Variants in FLII observed in about 807,000 individuals in gnomAD.
FLII encodes the protein FLII actin remodeling protein, also known as protein flightless-1 homolog.
FLII carries 101 observed loss-of-function variants against 156.2 expected under a neutral mutation model. The observed-to-expected ratio is 0.65, with a 90% CI of 0.55 to 0.76. The LOEUF is 0.76. FLII is among the 30% of genes least tolerant of loss of function. The pLI is 0.00. For missense variants in FLII, 1,675 were observed against 1,682.8 expected, an observed-to-expected ratio of 1.00 and a Z score of 0.08; for synonymous variants, 767 against 685.8, an observed-to-expected ratio of 1.12 and a Z score of -1.85.
In FLII at chr17:18,247,746, C is replaced by T; in HGVS notation, c.2398G>A (p.Ala800Thr). 3.1e-6 allele frequency: 5 copies of T among 1,606,028 alleles called. No individual in the cohort carries two copies. The highest frequency in any genetic ancestry group is 2.2e-5 in the South Asian group (2 of 91,058). The change falls in exon 20 of 30, where the codon GCC (alanine) becomes ACC (threonine). Residue 800 changes from alanine (A) to threonine (T), a missense_variant. Coordinates refer to ENST00000327031, the MANE Select transcript of FLII (RefSeq NM_002018.4). ...CACAGCTCCTGACCCAGCTTGAGGG[C>T]GGCAGCGCGCACCAGGCGCGGGGAC... ...RKSPRLVRAA[A>T]LKLGQELCGM... is the part of the protein sequence containing the mutation.
In FLII at chr17:18,245,836, A is replaced by G. The variant is rs2142778919; in HGVS notation, c.3411T>C (p.Gly1137=). The change falls in exon 27 of 30, where the codon GGT becomes GGC. Residue 1137 remains glycine (G), a synonymous_variant. Coordinates refer to ENST00000327031, the MANE Select transcript of FLII (RefSeq NM_002018.4). The part of the protein sequence containing the change: ...TSYSKQVINE[G]EEPENFFWVG... ...CCCAGAAGAAGTTCTCAGGCTCCTC[A>G]CCTTCGTTGATAACCTGCGGGAAAG... 1.2e-6 allele frequency: 2 copies of G among 1,612,920 alleles called. No homozygotes were observed. The highest frequency in any genetic ancestry group is 1.7e-6 in the Non-Finnish European group (2 of 1,179,642).
In FLII at chr17:18,251,701, C is replaced by T. The variant is rs752001032; in HGVS notation, c.1362G>A (p.Gln454=). The change falls in exon 12 of 30, where the codon CAG becomes CAA. Residue 454 remains glutamine (Q), a synonymous_variant. Coordinates refer to ENST00000327031, the MANE Select transcript of FLII (RefSeq NM_002018.4). The part of the protein sequence containing the change: ...QVLKGMSDVA[Q]EKNKKQEESA... ...TCACCTCCTGCTTTTTGTTCTTCTC[C>T]TGGGCAACATCTGACATGCCCTTCA... 1 of 1,614,060 alleles carries T rather than the reference C, an allele frequency of 6.2e-7. No homozygotes were observed. Among genetic ancestry groups the T allele is most frequent in the South Asian group, 1.1e-5 (1 of 91,088 alleles).
chr17:18,247,121 C>CGGGG, intron 21 of FLII, 48 bp downstream of exon 21: 4 of 1,398,058 alleles, frequency 2.9e-6, no homozygotes, highest in African/African-American at 1.7e-5. Flanking sequence ...CGCCCTCGGC[C>CGGGG]TGCCCCCCAC....
chr17:18,245,855 G>A lies in FLII; in HGVS notation c.3397-5C>T, dbSNP rs201102528. 1.2e-4 allele frequency: 199 copies of A among 1,613,946 alleles called. No homozygotes were observed. The highest frequency in any genetic ancestry group is 1.8e-4 in the Admixed American group (11 of 60,004). ...CTCCTCACCTTCGTTGATAACCTGC[G>A]GGAAAGGCCAGTCCAGCCCAGGGCC... On this transcript the variant is annotated splice_region_variant and splice_polypyrimidine_tract_variant and intron_variant, in intron 26 of 29. Transcript: ENST00000327031.
Position 18,249,141 on chromosome 17 carries a change from G to C in FLII, c.1920C>G (p.Thr640=). ...TTGGGGCTCACCTTGGGTCCAGAGA[G>C]GTCCCCTTGAGGGGCACAGGCTCCA... The part of the protein sequence containing the change: ...IKLEPVPLKG[T]SLDPRFVFLL... The change falls in exon 16 of 30, where the codon ACC becomes ACG. Residue 640 remains threonine (T), a synonymous_variant. Transcript: ENST00000327031. 2 of 1,614,010 alleles carry C rather than the reference G, an allele frequency of 1.2e-6. No individual in the cohort carries two copies. The highest frequency in any genetic ancestry group is 1.7e-6 in the Non-Finnish European group (2 of 1,179,956).
intron 16 of FLII, 60 bp from the exon 17 acceptor site, chr17:18,248,943 C>T: frequency 1.3e-6 from 2 of 1,491,400 alleles, no homozygotes; most frequent in Non-Finnish European, 1.9e-6. Context: ...TCACCCCATG[C>T]TCCTGACCCC....
chr17:18,257,872 G>C (rs1222749998), intron 1 of FLII, among the ~76,000 whole-genome samples: 1 of 152,196 alleles, frequency 6.6e-6, no homozygotes, highest in Non-Finnish European at 1.5e-5. Flanking sequence ...CCTCCAGCCA[G>C]CTCTCCCTCC....
chr17:18,246,077 G>C lies in FLII; in HGVS notation c.3268-15C>G. The C allele has an allele frequency of 6.2e-7, 1 of 1,614,118 alleles. No individual in the cohort carries two copies. The highest frequency in any genetic ancestry group is 8.5e-7 in the Non-Finnish European group (1 of 1,180,014). ...TCAAAGGGAACCTGGGGAGTGTGCA[G>C]GGGTGGGGGTGTTCGCAGCTGACTC... On this transcript the variant is annotated splice_polypyrimidine_tract_variant and intron_variant, in intron 25 of 29. Transcript: ENST00000327031.
chr17:18,246,684 C>T lies in FLII; in HGVS notation c.2961G>A (p.Trp987Ter), dbSNP rs763077210. ...CCATATTGGAGGCTTCACGGCCCTG[C>T]CAGAAGTACACGATGCACTGGAAGT... ...EEDFQCIVYFWQGREASNMGW... is the reference protein window; with the variant it reads ...EEDFQCIVYF The change falls in exon 23 of 30, where the codon TGG becomes TGA. Residue 987 changes from tryptophan (W) to a stop codon, truncating the protein, a stop_gained. Transcript: ENST00000327031. LOFTEE classifies it high-confidence loss of function. The T allele has an allele frequency of 8.7e-6, 14 of 1,613,634 alleles. No homozygotes were observed. Among genetic ancestry groups the T allele is most frequent in the Non-Finnish European group, 9.3e-6 (11 of 1,179,866 alleles).
Position 18,244,938 on chromosome 17 carries a change from C to T in FLII, c.*200G>A. On this transcript the variant is annotated 3_prime_UTR_variant, in exon 30 of 30. Coordinates refer to ENST00000327031, the MANE Select transcript of FLII (RefSeq NM_002018.4). Reference sequence around the variant, plus strand: ...AGGGGGCTTCACACGTGCACTCACACTGTGGAGAGAGTTGGATTTCCCAGA... The same window carrying T: ...AGGGGGCTTCACACGTGCACTCACATTGTGGAGAGAGTTGGATTTCCCAGA... 1.6e-6 allele frequency: 1 copy of T among 635,106 alleles called. No homozygotes were observed. The highest frequency in any genetic ancestry group is 2.8e-6 in the Non-Finnish European group (1 of 360,186). 39.3% of individuals were successfully genotyped at this position (635,106 alleles called of 1,614,324 possible).
Position 18,246,713 on chromosome 17 carries a change from C to T in FLII, c.2932G>A (p.Glu978Lys), listed in dbSNP as rs539543836. 3.7e-5 allele frequency: 59 copies of T among 1,613,422 alleles called. No homozygotes were observed. In the South Asian group the frequency reaches 6.3e-4, roughly 17 times the overall value. The change falls in exon 23 of 30, where the codon GAG (glutamate) becomes AAG (lysine). Residue 978 changes from glutamate (E) to lysine (K), a missense_variant. Glu to Lys is a moderately conservative substitution (Grantham distance 56, BLOSUM62 1). This residue lies in a region of FLII where 1,332 missense variants were observed against 1,269.3 expected (regional missense o/e 1.05). Transcript: ENST00000327031. ...TAEAEEKQPE[E>K]DFQCIVYFWQ... ...AAGTACACGATGCACTGGAAGTCCT[C>T]CTCTGGCTGCTTCTCCTCTGCCTCA... is the stretch of plus-strand genomic sequence containing the variant.
At chr17:18,250,780 G>A in intron 14 of FLII, 58 bp downstream of exon 14, 2 of 1,557,474 alleles carry the variant, frequency 1.3e-6, no homozygotes, top group Non-Finnish European at 1.7e-6. Context: ...CACTGCCCCT[G>A]CACCAGAGTT....
chr17:18,257,011 G>A lies in FLII; in HGVS notation c.72C>T (p.Tyr24=). ...TCATGGCCTTGACATTCTCAGGGAAGTAGCCGCCCTGGGGGAAGGATGTCA... is the reference window on the plus strand; with the variant it reads ...TCATGGCCTTGACATTCTCAGGGAAATAGCCGCCCTGGGGGAAGGATGTCA... ...DLSGNDFKGG[Y]FPENVKAMTS... The change falls in exon 2 of 30, where the codon TAC becomes TAT. Residue 24 remains tyrosine, a synonymous_variant. Coordinates refer to ENST00000327031, the MANE Select transcript of FLII (RefSeq NM_002018.4). 2 of 1,605,068 alleles carry A rather than the reference G, an allele frequency of 1.2e-6. No homozygotes were observed. Among genetic ancestry groups the A allele is most frequent in the Non-Finnish European group, 1.7e-6 (2 of 1,175,524 alleles).
chr17:18,252,476 A>G lies in FLII; in HGVS notation c.1094T>C (p.Ile365Thr). 1 of 1,613,592 alleles carries G rather than the reference A, an allele frequency of 6.2e-7. No homozygotes were observed. The highest frequency in any genetic ancestry group is 8.5e-7 in the Non-Finnish European group (1 of 1,179,890). Residue 365 changes from isoleucine to threonine, a missense_variant, in exon 10 of 30, where the codon ATC becomes ACC. Physicochemically the swap from Ile to Thr is moderately conservative, Grantham distance 89 (BLOSUM62 -1). This residue lies in a region of FLII where 1,332 missense variants were observed against 1,269.3 expected (regional missense o/e 1.05). Coordinates refer to ENST00000327031, the MANE Select transcript of FLII (RefSeq NM_002018.4). Reference sequence around the variant, plus strand: ...CTCAAACCCAGCATGCCTGACCTCGATCTCCGTCAGGAAATGGATGGCTTC... The same window carrying G: ...CTCAAACCCAGCATGCCTGACCTCGGTCTCCGTCAGGAAATGGATGGCTTC... The part of the protein sequence containing the change: ...LPEAIHFLTE[I>T]EVLDVRENPN...
In FLII at chr17:18,258,572, G is replaced by C; in HGVS notation, c.63+56C>G. ...GGGACAGGAAGCGGAGGCCAAGCGG[G>C]CCGGGCGGAAGAGAAGGCCTGCAGG... On this transcript the variant is annotated intron_variant, in intron 1 of 29. Coordinates refer to ENST00000327031, the MANE Select transcript of FLII (RefSeq NM_002018.4). The surrounding 1 kb of genome is among the most constrained non-coding windows in gnomAD (Gnocchi z 4.2). 2 of 1,525,994 alleles carry C rather than the reference G, an allele frequency of 1.3e-6. No homozygotes were observed. Among genetic ancestry groups the C allele is most frequent in the Admixed American group, 3.9e-5 (2 of 50,786 alleles). The allele number at this position is 1,525,994 out of a possible 1,614,324, so 94.5% of individuals were successfully genotyped here.
rs757934636 is a variant in FLII at position 18,245,947 on chromosome 17, G to A, written c.3383C>T (p.Ser1128Phe). Residue 1128 changes from serine to phenylalanine, a missense_variant, in exon 26 of 30, where the codon TCC becomes TTC. By Grantham distance (155) the Ser-to-Phe change is radical (BLOSUM62 -2). Transcript: ENST00000327031. The part of the protein sequence containing the change: ...EDILNTMFDT[S>F]YSKQVINEGE... ...CCGCCTCCTGACCTGCTTGCTGTAGGAGGTGTCAAACATGGTGTTCAGGAT... is the reference window on the plus strand; with the variant it reads ...CCGCCTCCTGACCTGCTTGCTGTAGAAGGTGTCAAACATGGTGTTCAGGAT... 8.1e-6 allele frequency: 13 copies of A among 1,613,934 alleles called. No individual in the cohort carries two copies. In the East Asian group the frequency reaches 2.0e-4, roughly 25 times the overall value.
chr17:18,253,643 G>A lies in FLII; in HGVS notation c.756C>T (p.Asn252=), dbSNP rs147128917. Residue 252 remains asparagine (N), a synonymous_variant, in exon 8 of 30, where the codon AAC becomes AAT. Coordinates refer to ENST00000327031, the MANE Select transcript of FLII (RefSeq NM_002018.4). ...LYTLPSLRRL[N]LSSNQITELS... The stretch of plus-strand genomic sequence containing the variant: ...GCTCCGTGATCTGGTTGCTGCTGAG[G>A]TTGAGGCGGCGCAGGCTGGGGAGGG... 364 of 1,614,068 alleles carry A rather than the reference G, an allele frequency of 2.3e-4. No individual in the cohort carries two copies. Among genetic ancestry groups the A allele is most frequent in the Non-Finnish European group, 2.8e-4 (336 of 1,180,024 alleles).
At chr17:18,255,123 G>A in intron 4 of FLII, 60 bp downstream of exon 4, 1 of 1,332,702 alleles carries the variant, frequency 7.5e-7, no homozygotes, top group South Asian at 1.2e-5. Flanking sequence ...GACTTTTATA[G>A]TGAGTGGGGA....
At chr17:18,256,124 G>A (rs1395568344) in intron 3 of FLII, among the ~76,000 whole-genome samples, 2 of 152,216 alleles carry the variant, frequency 1.3e-5, no homozygotes, top group Non-Finnish European at 2.9e-5. Flanking sequence ...ACCACTGCCT[G>A]GCTCTGTGAC....
Sources: allele counts gnomAD v4.1 joint callset (sites outside exome capture counted in the v4.1 genomes callset), GRCh38; gene constraint gnomAD v4.1.1; regional missense constraint gnomAD v4.1.1; non-coding constraint Gnocchi (gnomAD v3.1); transcripts MANE v1.5; gene names NCBI Gene and HGNC (gene_info 2026-07-23, HGNC 2026-07-21).